Variants in DENND2B observed in about 807,000 individuals in gnomAD.
DENND2B encodes DENN domain containing 2B.
Under a neutral mutation model 116.0 loss-of-function variants are expected in DENND2B, and 32 were observed. The ratio of observed to expected loss-of-function variants is 0.28; its 90% CI spans 0.21 to 0.37. DENND2B has a LOEUF of 0.37. Ranked by LOEUF, DENND2B falls within the 10% of genes least tolerant of loss-of-function variation. DENND2B has a pLI of 1.00. For missense variants in DENND2B, 1,276 were observed against 1,477.7 expected (o/e 0.86, Z 2.24); for synonymous variants, 588 against 583.9 (o/e 1.01, Z -0.10).
chr11:8,771,655 A>G (rs1021550016), intron 1 of DENND2B: 1 of 151,144 alleles, frequency 6.6e-6, no homozygotes, highest in African/African-American at 2.4e-5. Context: ...GTGATTCATA[A>G]CAAGTCCCTC....
chr11:8,823,027 G>T (rs1027827170), intron 4 of DENND2B, among the ~76,000 whole-genome samples: 9 of 152,100 alleles, frequency 5.9e-5, no homozygotes, highest in Non-Finnish European at 1.0e-4. Context: ...TATAATTATT[G>T]TAGGGAATAA....
chr11:8,857,716 A>C (rs1376030320), intron 2 of DENND2B, among the ~76,000 whole-genome samples: 1 of 152,180 alleles, frequency 6.6e-6, no homozygotes, highest in Non-Finnish European at 1.5e-5. Flanking sequence ...CACTGTGTAG[A>C]AGAAAGGGAA....
chr11:8,862,939 C>T (rs1355327971), intron 2 of DENND2B, among the ~76,000 whole-genome samples: 1 of 152,110 alleles, frequency 6.6e-6, no homozygotes, highest in Non-Finnish European at 1.5e-5. Flanking sequence ...CTTGAACAAA[C>T]CTAACCTGAA....
At chr11:8,899,271 G>C (rs191032054) in intron 1 of DENND2B, among the ~76,000 whole-genome samples, 1 of 150,400 alleles carries the variant, frequency 6.6e-6, no homozygotes, top group Non-Finnish European at 1.5e-5. Context: ...AAAAAGAAGA[G>C]AAAGAGAAAG....
intron 4 of DENND2B, among the ~76,000 whole-genome samples, chr11:8,724,213 A>G (rs758871530): frequency 2.0e-5 from 3 of 152,024 alleles, no homozygotes; most frequent in South Asian, 2.1e-4. Context: ...GAAGAATGGC[A>G]TGAACCCGGG....
At chr11:8,845,432 T>C (rs911077820) in intron 3 of DENND2B, 4 of 152,214 alleles carry the variant, frequency 2.6e-5, no homozygotes. Context: ...AATCAAAAAT[T>C]ATTTTTAATT....
intron 13 of DENND2B, among the ~76,000 whole-genome samples, chr11:8,703,862 C>T (rs1183841790): frequency 6.6e-6 from 1 of 152,208 alleles, no homozygotes; most frequent in African/African-American, 2.4e-5. Context: ...CAGTGATCCG[C>T]CAGATGCTGG....
chr11:8,859,597 C>T (rs948957568), intron 2 of DENND2B, among the ~76,000 whole-genome samples: 3 of 152,188 alleles, frequency 2.0e-5, no homozygotes, highest in Admixed American at 6.5e-5. Flanking sequence ...CGTGAGCCAC[C>T]GCGCCCGGCC....
At chr11:8,826,108 A>C (rs2061969473) in intron 4 of DENND2B, among the ~76,000 whole-genome samples, 1 of 152,184 alleles carries the variant, frequency 6.6e-6, no homozygotes, top group African/African-American at 2.4e-5. Flanking sequence ...AGAAGATAGA[A>C]AACTACCGCT....
chr11:8,897,399 C>T (rs2064116510), intron 1 of DENND2B, among the ~76,000 whole-genome samples: 1 of 152,196 alleles, frequency 6.6e-6, no homozygotes, highest in Non-Finnish European at 1.5e-5. Context: ...ACACTCCCTA[C>T]CCCCAGCTCC....
At chr11:8,745,946 T>C (rs2051163617) in intron 2 of DENND2B, among the ~76,000 whole-genome samples, 1 of 152,248 alleles carries the variant, frequency 6.6e-6, no homozygotes, top group Non-Finnish European at 1.5e-5. Context: ...CAAGCTTTCC[T>C]TGCTGAGCCC....
Position 8,750,630 on chromosome 11 carries a change from G to C in DENND2B, c.71C>G (p.Thr24Ser). 5 of 1,614,068 alleles carry C rather than the reference G, an allele frequency of 3.1e-6. No homozygotes were observed. Among genetic ancestry groups the C allele is most frequent in the South Asian group, 1.1e-5 (1 of 91,072 alleles). ...GAGGTKAPRG[T>S]LSRSQSVSPP... is the part of the protein sequence containing the mutation. ...GTGCTCCCTTACCCACCTGCTCAGA[G>C]TCCCCCGAGGGGCTTTAGTGCCACC... The change falls in exon 2 of 20, where the codon ACT becomes AGT. Residue 24 changes from threonine (T) to serine (S), a missense_variant. By Grantham distance (58) the Thr-to-Ser change is moderately conservative. Coordinates refer to ENST00000313726, the MANE Select transcript of DENND2B (RefSeq NM_213618.2).
chr11:8,828,958 G>A (rs1156406761), intron 4 of DENND2B, among the ~76,000 whole-genome samples: 4 of 151,478 alleles, frequency 2.6e-5, no homozygotes, highest in Non-Finnish European at 4.4e-5. Flanking sequence ...TGTGTGGGGT[G>A]TGTGTGTGGG....
At chr11:8,750,577 C>T in intron 2 of DENND2B, 44 bp downstream of exon 2, 2 of 1,551,824 alleles carry the variant, frequency 1.3e-6, no homozygotes, top group Admixed American at 1.7e-5. Flanking sequence ...CACCCAGGAC[C>T]TAGGTCCCTT....
intron 4 of DENND2B, among the ~76,000 whole-genome samples, chr11:8,725,602 C>A (rs1272082084): frequency 6.6e-6 from 1 of 152,138 alleles, no homozygotes; most frequent in Non-Finnish European, 1.5e-5. Context: ...AGGTGATCCA[C>A]CAGCCTCGGC....
intron 4 of DENND2B, chr11:8,835,789 T>C (rs1174357136): frequency 1.3e-5 from 2 of 152,208 alleles, no homozygotes; most frequent in Admixed American, 6.5e-5. Context: ...AGACACAGGC[T>C]CACAACTCTT....
chr11:8,743,512 T>C (rs2050631254), intron 2 of DENND2B, among the ~76,000 whole-genome samples: 1 of 151,868 alleles, frequency 6.6e-6, no homozygotes, highest in Admixed American at 6.6e-5. Flanking sequence ...ATCACACCAC[T>C]GCACTCCAGC....
Position 8,730,904 on chromosome 11 carries a change from G to C in DENND2B, c.386C>G (p.Ala129Gly). 2 of 1,614,118 alleles carry C rather than the reference G, an allele frequency of 1.2e-6. No individual in the cohort carries two copies. Among genetic ancestry groups the C allele is most frequent in the Non-Finnish European group, 1.7e-6 (2 of 1,180,042 alleles). The change falls in exon 3 of 20, where the codon GCT (alanine) becomes GGT (glycine). Residue 129 changes from alanine (A) to glycine (G), a missense_variant. By Grantham distance (60) the Ala-to-Gly change is moderately conservative. Around this residue, in one of 2 missense-constraint regions of DENND2B, gnomAD observed 856 missense variants for 846.6 expected, o/e 1.01. Transcript: ENST00000313726. The surrounding 1 kb of genome is among the most constrained non-coding windows in gnomAD (Gnocchi z 4.1). ...GCTCTGGGCAAGGGGGAGGCAGGCA[G>C]CGACCCCTGCTACATCCTGGGCTGC... Reference protein sequence around the residue: ...QGAAQDVAGVAACLPLAQSTP... With the variant: ...QGAAQDVAGVGACLPLAQSTP...
At position 8,695,415 on chromosome 11, in the gene DENND2B, C is replaced by T. The variant is rs373571909; in HGVS notation, c.3379+48G>A. On this transcript the variant is annotated intron_variant, in intron 19 of 19. Coordinates refer to ENST00000313726, the MANE Select transcript of DENND2B (RefSeq NM_213618.2). ...ATTCGGGAACACAAATCTCCCAGCC[C>T]CTTCCTTCTTGCTGAACATCTATCT... is the stretch of plus-strand genomic sequence containing the variant. 5.2e-5 allele frequency: 81 copies of T among 1,549,628 alleles called. No individual in the cohort carries two copies. In the African/African-American group the frequency reaches 9.7e-4, roughly 19 times the overall value.
Sources: gnomAD v4.1 joint callset for allele counts (sites outside exome capture counted in the v4.1 genomes callset) on GRCh38, gnomAD v4.1.1 for gene constraint, gnomAD v4.1.1 regional missense constraint, Gnocchi (gnomAD v3.1) non-coding constraint, MANE v1.5 for transcripts, NCBI Gene and HGNC (gene_info 2026-07-23, HGNC 2026-07-21) for gene names.